SPECC1: variants seen among roughly 807,000 people sequenced by gnomAD.
SPECC1 encodes sperm antigen with calponin homology and coiled-coil domains 1, also known as cytospin-B.
In SPECC1, 62 loss-of-function variants were observed where a neutral mutation model predicts 104.1. The ratio of observed to expected loss-of-function variants is 0.60; its 90% confidence interval spans 0.49 to 0.74. The LOEUF (loss-of-function observed/expected upper bound fraction) is 0.74. Ranked by LOEUF, SPECC1 falls within the 30% of genes least tolerant of loss-of-function variation. The pLI, the probability that SPECC1 is intolerant of heterozygous loss-of-function variation, is 0.00. For missense variants in SPECC1, 1,306 were observed against 1,310.5 expected (o/e 1.00, Z 0.05); for synonymous variants, 513 against 501.6 (o/e 1.02, Z -0.30).
intron 12 of SPECC1, among the ~76,000 whole-genome samples, chr17:20,267,402 G>A (rs79678129): frequency 0.038 from 5,788 of 152,246 alleles, 360 homozygotes; most frequent in African/African-American, 0.13. Flanking sequence ...TAAGAATTCT[G>A]AAGGGACAGA....
chr17:20,089,465 TA>T (rs952291155), intron 1 of SPECC1, among the ~76,000 whole-genome samples: 62 of 38,352 alleles, frequency 1.6e-3, no homozygotes, highest in East Asian at 2.5e-3. Context: ...CGCCTCTATA[TA>T]AAAAAAAAAA....
At chr17:20,134,801 A>G (rs2049838377) in intron 3 of SPECC1, among the ~76,000 whole-genome samples, 1 of 152,186 alleles carries the variant, frequency 6.6e-6, no homozygotes, top group African/African-American at 2.4e-5. Context: ...CTGTCCCTGC[A>G]GGTAACTTGG....
At chr17:20,100,684 C>T (rs1165903572) in intron 2 of SPECC1, among the ~76,000 whole-genome samples, 1 of 152,084 alleles carries the variant, frequency 6.6e-6, no homozygotes, top group East Asian at 1.9e-4. Flanking sequence ...TTCTGGGATA[C>T]ATGTGCAGAA....
At chr17:20,022,811 T>G (rs1597577408) in intron 1 of SPECC1, among the ~76,000 whole-genome samples, 1 of 152,110 alleles carries the variant, frequency 6.6e-6, no homozygotes, top group African/African-American at 2.4e-5. Flanking sequence ...ACAAGCATGG[T>G]GATGATGTTC....
chr17:20,056,779 G>T (rs1036806974), intron 1 of SPECC1: 1 of 152,094 alleles, frequency 6.6e-6, no homozygotes, highest in African/African-American at 2.4e-5. Context: ...TCAATAGTAT[G>T]GGTAGAAGTT....
intron 4 of SPECC1, among the ~76,000 whole-genome samples, chr17:20,221,458 A>G (rs779326241): frequency 6.8e-4 from 104 of 152,166 alleles, no homozygotes; most frequent in Non-Finnish European, 1.2e-3. Flanking sequence ...ATAGTTGCTC[A>G]TAGTAGTCTC....
intron 3 of SPECC1, chr17:20,111,712 G>T: frequency 1.6e-6 from 1 of 636,062 alleles, no homozygotes; most frequent in South Asian, 1.7e-5. Context: ...GTGGCGAAAG[G>T]AGGCGAATCC....
chr17:20,047,723 G>A (rs549353060), intron 1 of SPECC1, among the ~76,000 whole-genome samples: 16 of 151,374 alleles, frequency 1.1e-4, no homozygotes, highest in African/African-American at 2.4e-4. Flanking sequence ...TCAGTCTCCC[G>A]AGTAGTTGGG....
chr17:20,134,446 T>G (rs2049820357), intron 3 of SPECC1, among the ~76,000 whole-genome samples: 1 of 150,604 alleles, frequency 6.6e-6, no homozygotes, highest in South Asian at 2.1e-4. Flanking sequence ...TCAGCTCCCA[T>G]GCTGACCCCT....
intron 3 of SPECC1, among the ~76,000 whole-genome samples, chr17:20,119,389 C>T (rs1002176743): frequency 4.6e-5 from 7 of 152,218 alleles, no homozygotes; most frequent in East Asian, 1.9e-4. Context: ...TGCGCCACCA[C>T]GCCCAGCTAA....
At chr17:20,121,674 G>A (rs1011538169) in intron 3 of SPECC1, among the ~76,000 whole-genome samples, 2 of 152,166 alleles carry the variant, frequency 1.3e-5, no homozygotes, top group Non-Finnish European at 2.9e-5. Flanking sequence ...GGTGTCCTTT[G>A]TGTGTATCTC....
intron 4 of SPECC1, among the ~76,000 whole-genome samples, chr17:20,221,396 T>A (rs1175471187): frequency 1.3e-5 from 2 of 152,346 alleles, no homozygotes; most frequent in East Asian, 3.9e-4. Flanking sequence ...TGTTAGGTTG[T>A]ATGTGTCTAG....
intron 8 of SPECC1, 82 bp downstream of exon 8, chr17:20,246,153 A>T: frequency 6.6e-7 from 1 of 1,521,754 alleles, no homozygotes; most frequent in Non-Finnish European, 8.9e-7. Flanking sequence ...TCTCTACTCC[A>T]CCCTGGCCCT....
At chr17:20,155,471 G>A (rs536492660) in intron 3 of SPECC1, 1 of 152,296 alleles carries the variant, frequency 6.6e-6, no homozygotes, top group South Asian at 2.1e-4. Context: ...TTCCATTTTA[G>A]TAATTTCCGA....
chr17:20,133,835 G>A (rs1239999931), intron 3 of SPECC1, among the ~76,000 whole-genome samples: 4 of 152,118 alleles, frequency 2.6e-5, no homozygotes, highest in Admixed American at 6.6e-5. Flanking sequence ...TTTGCACTCC[G>A]TATTCCCAAC....
intron 11 of SPECC1, among the ~76,000 whole-genome samples, chr17:20,258,973 C>A (rs2039932042): frequency 6.6e-6 from 1 of 152,202 alleles, no homozygotes; most frequent in South Asian, 2.1e-4. Flanking sequence ...CTCTTCCAGC[C>A]CCTTGCATTG....
chr17:20,277,934 TCTC>T (rs2151657345), intron 12 of SPECC1, among the ~76,000 whole-genome samples: 1 of 152,304 alleles, frequency 6.6e-6, no homozygotes, highest in South Asian at 2.1e-4. Context: ...CTGTCCACCT[TCTC>T]CTCTCCATAG....
chr17:20,033,833 A>G (rs1022197094), intron 1 of SPECC1, among the ~76,000 whole-genome samples: 1 of 152,168 alleles, frequency 6.6e-6, no homozygotes, highest in African/African-American at 2.4e-5. Flanking sequence ...CCAAACCATT[A>G]ACACCCTAAC....
intron 9 of SPECC1, among the ~76,000 whole-genome samples, chr17:20,252,733 TATTCTA>T (rs1490069048): frequency 6.6e-6 from 1 of 152,220 alleles, no homozygotes; most frequent in Admixed American, 6.5e-5. Context: ...TTCCATTGTA[TATTCTA>T]TACCACATTT....
Sources: gnomAD v4.1 joint callset for allele counts (sites outside exome capture counted in the v4.1 genomes callset) on GRCh38, gnomAD v4.1.1 for gene constraint, MANE v1.5 for transcripts, NCBI Gene and HGNC (gene_info 2026-07-23, HGNC 2026-07-21) for gene names.